TOP1MT: variants seen among roughly 807,000 people sequenced by gnomAD.
TOP1MT encodes DNA topoisomerase I, mitochondrial.
In TOP1MT, 80 loss-of-function variants were observed where a neutral mutation model predicts 73.9. The observed-to-expected ratio is 1.08, with a 90% CI of 0.90 to 1.30. TOP1MT has a LOEUF of 1.30. Among genes scored for constraint, TOP1MT ranks in the 50% most tolerant of loss-of-function variants. The pLI is 0.00. For missense variants in TOP1MT, 815 were observed against 808.0 expected (o/e 1.01, Z -0.10); for synonymous variants, 338 against 326.4 (o/e 1.04, Z -0.38).
Position 143,341,521 on chromosome 8 carries a change from G to A in TOP1MT, c.29+1699C>T, listed in dbSNP as rs1817080487. ...CACCCGGAGACCCCAGAGGAGGAGG[G>A]AAGGTTCACCTTCCCCACCCCAGCA... On this transcript the variant is annotated intron_variant, in intron 2 of 5. Transcript: ENST00000518007. The surrounding 1 kb of genome is among the most constrained non-coding windows in gnomAD (Gnocchi z 4.1). Among the ~76,000 whole-genome samples the A allele has an allele frequency of 6.6e-6, 1 of 152,244 alleles. No homozygotes were observed. The highest frequency in any genetic ancestry group is 1.5e-5 in the Non-Finnish European group (1 of 68,028).
At chr8:143,335,478 G>C (rs1341665656), upstream of TOP1MT, among the ~76,000 whole-genome samples, 1 of 152,230 alleles carries the variant, frequency 6.6e-6, no homozygotes, top group African/African-American at 2.4e-5. Context: ...AAGGAGACCA[G>C]AGACCAGGCA....
chr8:143,338,184 T>C (rs183940968), upstream of TOP1MT, among the ~76,000 whole-genome samples: 3 of 152,232 alleles, frequency 2.0e-5, no homozygotes, highest in South Asian at 2.1e-4. Flanking sequence ...AGTGGGAGGA[T>C]TGCTTGAACC....
Position 143,329,330 on chromosome 8 carries a change from C to A in TOP1MT, c.360+20G>T, listed in dbSNP as rs779633318. On this transcript the variant is annotated intron_variant, in intron 3 of 13. Transcript: ENST00000329245. ...CCAGCCAGGTCCAGGACAGCTGTGG[C>A]GGCCGCCCAGGGTACCTACCTTTCG... is the stretch of plus-strand genomic sequence containing the variant. 6.3e-7 allele frequency: 1 copy of A among 1,586,102 alleles called. No homozygotes were observed. Among genetic ancestry groups the A allele is most frequent in the East Asian group, 2.4e-5 (1 of 42,382 alleles).
chr8:143,315,500 G>C (rs935680598), intron 12 of TOP1MT, among the ~76,000 whole-genome samples: 1 of 152,032 alleles, frequency 6.6e-6, no homozygotes, highest in African/African-American at 2.4e-5. Context: ...AAATAACAGC[G>C]CAGCCAGACA....
chr8:143,322,654 C>T (rs1453699828), intron 7 of TOP1MT, among the ~76,000 whole-genome samples: 1 of 99,500 alleles, frequency 1.0e-5, no homozygotes, highest in Non-Finnish European at 1.9e-5. Flanking sequence ...CACACGCACA[C>T]CACACACGCA....
At position 143,317,784 on chromosome 8, in the gene TOP1MT, CT is replaced by C. The variant is rs1816213820; in HGVS notation, c.1268del (p.Lys423ArgfsTer19). 6.2e-7 allele frequency: 1 copy of C among 1,614,082 alleles called. No individual in the cohort carries two copies. On this transcript the variant is annotated frameshift_variant, in exon 10 of 14. Transcript: ENST00000329245. LOFTEE classifies it high-confidence loss of function. ...LQELMDGLTA[K>X]VFRTYNASIT... ...TGGAGGCGTTGTAGGTCCGGAACACCTTGGCCGTCAGCCCGTCCATCAGCTC... is the reference window on the plus strand; with the variant it reads ...TGGAGGCGTTGTAGGTCCGGAACACCTGGCCGTCAGCCCGTCCATCAGCTC...
At chr8:143,328,546 C>CAGTT (rs1457630557) in intron 3 of TOP1MT, among the ~76,000 whole-genome samples, 1 of 152,252 alleles carries the variant, frequency 6.6e-6, no homozygotes, top group Admixed American at 6.5e-5. Flanking sequence ...GGCGTGTGGA[C>CAGTT]AGTTCAGCCT....
chr8:143,321,721 C>T (rs147568326), intron 7 of TOP1MT, among the ~76,000 whole-genome samples: 15 of 131,580 alleles, frequency 1.1e-4, no homozygotes, highest in African/African-American at 4.1e-4. Context: ...CACACACGCA[C>T]GCCACACACA....
In TOP1MT at chr8:143,344,267, G is replaced by A. The variant is rs967456877; in HGVS notation, c.-39+649C>T. On this transcript the variant is annotated intron_variant, in intron 1 of 5. Coordinates refer to the TOP1MT transcript ENST00000518007. This position sits in a 1 kb window ranked among gnomAD's most constrained non-coding sequence, Gnocchi z 4.6. Reference sequence around the variant, plus strand: ...CAGACACCCACGGTCCTCTCAGGATGTGCTGACTGCAGAGGCCTAGAGTCC... The same window carrying A: ...CAGACACCCACGGTCCTCTCAGGATATGCTGACTGCAGAGGCCTAGAGTCC... The A allele has an allele frequency of 2.0e-5, 3 of 152,288 alleles. No homozygotes were observed. Among genetic ancestry groups the A allele is most frequent in the African/African-American group, 7.2e-5 (3 of 41,448 alleles). The allele number at this position is 152,288 out of a possible 1,614,324, so 9.4% of individuals were successfully genotyped here.
chr8:143,315,882 A>C, intron 11 of TOP1MT, 61 bp from the exon 12 acceptor site: 1 of 1,602,376 alleles, frequency 6.2e-7, no homozygotes, highest in Non-Finnish European at 8.5e-7. Context: ...CCCTGTGCCC[A>C]CACCCTTCCA....
At chr8:143,347,553 A>G (rs1817246677), upstream of TOP1MT, among the ~76,000 whole-genome samples, 1 of 152,206 alleles carries the variant, frequency 6.6e-6, no homozygotes, top group Non-Finnish European at 1.5e-5. Context: ...TCGGCCTCCC[A>G]AAGTGCTAGA....
chr8:143,327,869 C>G, intron 3 of TOP1MT: 1 of 350,154 alleles, frequency 2.9e-6, no homozygotes, highest in South Asian at 2.2e-5. Context: ...ACACGAGCCT[C>G]GGCCTCTACC....
rs202001737 is a variant in TOP1MT at position 143,316,170 on chromosome 8, C to T, written c.1331-44G>A. ...CAGAGGCAGCACCCACGGGGCCGGC[C>T]ACCCTCCCTGTCTGCCCTGAGCCGG... On this transcript the variant is annotated intron_variant, in intron 10 of 13. Coordinates refer to ENST00000329245, the MANE Select transcript of TOP1MT (RefSeq NM_052963.3). The T allele has an allele frequency of 1.1e-5, 17 of 1,612,908 alleles. No homozygotes were observed. The Admixed American group carries it at 2.7e-4, about 25-fold the overall frequency.
At chr8:143,310,698 T>C (rs1251384344) in intron 12 of TOP1MT, among the ~76,000 whole-genome samples, 1 of 152,188 alleles carries the variant, frequency 6.6e-6, no homozygotes, top group African/African-American at 2.4e-5. Flanking sequence ...TGACCCCAAC[T>C]CTTCTAGGAA....
rs1816635137 is a variant in TOP1MT, at chr8:143,324,065, C to CCG, written c.892_893dup (p.Ala299GlyfsTer9). ...TCATTTCCCGAGACTTCCAGTCAGCCCGGTACTGGGAGCGGATCTCGTCCA... is the reference window on the plus strand; with the variant it reads ...TCATTTCCCGAGACTTCCAGTCAGCCCGCGGTACTGGGAGCGGATCTCGTCCA... On this transcript the variant is annotated frameshift_variant, in exon 7 of 14. Coordinates refer to ENST00000329245, the MANE Select transcript of TOP1MT (RefSeq NM_052963.3). LOFTEE classifies it high-confidence loss of function. The CCG allele has an allele frequency of 6.2e-7, 1 of 1,613,786 alleles. No individual in the cohort carries two copies. The highest frequency in any genetic ancestry group is 1.1e-5 in the South Asian group (1 of 91,094).
intron 7 of TOP1MT, among the ~76,000 whole-genome samples, chr8:143,323,064 A>ACG (rs1816558966): frequency 8.9e-6 from 1 of 111,956 alleles, no homozygotes; most frequent in Admixed American, 9.0e-5. Flanking sequence ...ACACACAGGC[A>ACG]CACCACACAC....
chr8:143,312,349 TAGA>T (rs1816035781), intron 12 of TOP1MT, among the ~76,000 whole-genome samples: 1 of 152,090 alleles, frequency 6.6e-6, no homozygotes, highest in African/African-American at 2.4e-5. Context: ...AATCCAGCAA[TAGA>T]CAAAAATGAT....
intron 3 of TOP1MT, among the ~76,000 whole-genome samples, chr8:143,327,949 A>G (rs1309172875): frequency 6.6e-6 from 1 of 152,144 alleles, no homozygotes; most frequent in African/African-American, 2.4e-5. Flanking sequence ...ACCTAAAACC[A>G]AAACTTCTAG....
chr8:143,347,688 G>GC, upstream of TOP1MT, among the ~76,000 whole-genome samples: 2 of 150,078 alleles, frequency 1.3e-5, no homozygotes, highest in East Asian at 4.0e-4. Context: ...CAGCAGGCAG[G>GC]CAGCCAGCCA....
Sources: gnomAD v4.1 joint callset for allele counts (sites outside exome capture counted in the v4.1 genomes callset) on GRCh38, gnomAD v4.1.1 for gene constraint, Gnocchi (gnomAD v3.1) non-coding constraint, MANE v1.5 for transcripts, NCBI Gene and HGNC (gene_info 2026-07-23, HGNC 2026-07-21) for gene names.